MICAL3: variants seen among roughly 807,000 people sequenced by gnomAD.
MICAL3 encodes microtubule associated monooxygenase, calponin and LIM domain containing 3.
In MICAL3, 62 loss-of-function variants were observed where a neutral mutation model predicts 207.4. The ratio of observed to expected loss-of-function variants is 0.30; its 90% CI spans 0.24 to 0.37. MICAL3 has a LOEUF of 0.37. MICAL3 is among the 10% of genes least tolerant of loss of function. The pLI is 1.00. For missense variants in MICAL3, 2,368 were observed against 2,635.6 expected, an observed-to-expected ratio of 0.90 and a Z score of 2.22; for synonymous variants, 1,077 against 1,069.3, an observed-to-expected ratio of 1.01 and a Z score of -0.14.
At chr22:17,879,358 G>A in intron 16 of MICAL3, 2 of 1,611,636 alleles carry the variant, frequency 1.2e-6, no homozygotes, top group South Asian at 1.1e-5. Context: ...TCTCATGGTG[G>A]GGGCTCTGCT....
At chr22:18,019,805 G>GGTTTTT (rs1569169676) in intron 1 of MICAL3, 1 of 128,242 alleles carries the variant, frequency 7.8e-6, no homozygotes, top group African/African-American at 3.7e-5. Flanking sequence ...GAATGCTGCT[G>GGTTTTT]ATTTTTTTTT....
intron 1 of MICAL3, among the ~76,000 whole-genome samples, chr22:17,990,519 C>T (rs566005063): frequency 2.6e-5 from 4 of 152,294 alleles, no homozygotes; most frequent in South Asian, 4.1e-4. Context: ...AGGACTGTTA[C>T]GCCCTTCATT....
chr22:17,854,822 G>C (rs138598006), intron 19 of MICAL3, among the ~76,000 whole-genome samples: 2 of 152,302 alleles, frequency 1.3e-5, no homozygotes, highest in Admixed American at 1.3e-4. Context: ...TGGGCTTCTC[G>C]CCTTTCACTC....
chr22:17,884,285 CG>C, intron 16 of MICAL3: 25 of 1,588,610 alleles, frequency 1.6e-5, no homozygotes, highest in East Asian at 4.7e-5. Context: ...CTGTTTCCAC[CG>C]GGGGGTGGGG....
At chr22:17,863,637 T>C (rs1926756922) in intron 19 of MICAL3, 1 of 985,470 alleles carries the variant, frequency 1.0e-6, no homozygotes, top group Non-Finnish European at 1.2e-6. Flanking sequence ...GCACGTGCAG[T>C]AGCAGAAGCT....
intron 27 of MICAL3, among the ~76,000 whole-genome samples, chr22:17,816,371 G>C (rs112787232): frequency 6.6e-6 from 1 of 152,202 alleles, no homozygotes; most frequent in Non-Finnish European, 1.5e-5. Flanking sequence ...TGCTCCCCGC[G>C]GGATCACCTA....
Position 17,796,967 on chromosome 22 carries a change from C to T in MICAL3, c.5651-5666G>A, listed in dbSNP as rs764530334. 1.3e-5 allele frequency among the ~76,000 whole-genome samples: 2 copies of T among 151,802 alleles called. No homozygotes were observed. Among genetic ancestry groups the T allele is most frequent in the Non-Finnish European group, 2.9e-5 (2 of 67,932 alleles). On this transcript the variant is annotated intron_variant, in intron 29 of 31. Coordinates refer to ENST00000441493, the MANE Select transcript of MICAL3 (RefSeq NM_015241.3). The surrounding 1 kb of genome is among the most constrained non-coding windows in gnomAD (Gnocchi z 4.4). ...GCAGGTCCCCTTCTCTGTACTTGTACTTCTATATTCCCACCTTCTCTCCAA... is the reference window on the plus strand; with the variant it reads ...GCAGGTCCCCTTCTCTGTACTTGTATTTCTATATTCCCACCTTCTCTCCAA...
At chr22:17,924,101 C>T (rs941511015) in intron 1 of MICAL3, among the ~76,000 whole-genome samples, 3 of 152,184 alleles carry the variant, frequency 2.0e-5, no homozygotes, top group African/African-American at 7.2e-5. Flanking sequence ...TAACCGCCTC[C>T]ATGATTCAAT....
chr22:17,985,557 C>T (rs1350753574), intron 1 of MICAL3, among the ~76,000 whole-genome samples: 4 of 152,036 alleles, frequency 2.6e-5, no homozygotes, highest in South Asian at 2.1e-4. Context: ...CTGCCTGGGG[C>T]GGGGAAGCAG....
At chr22:17,862,707 C>T in intron 19 of MICAL3, 1 of 985,376 alleles carries the variant, frequency 1.0e-6, no homozygotes, top group Non-Finnish European at 1.2e-6. Flanking sequence ...TAATCCTGTT[C>T]CTTTTCTACC....
At chr22:17,799,928 C>T (rs561066360) in intron 29 of MICAL3, among the ~76,000 whole-genome samples, 45 of 149,312 alleles carry the variant, frequency 3.0e-4, no homozygotes, top group Non-Finnish European at 4.9e-4. Context: ...CACACACGCG[C>T]GCTGGGAAAC....
Position 17,983,801 on chromosome 22 carries a change from A to C in MICAL3, c.-75+40480T>G, listed in dbSNP as rs138613183. On this transcript the variant is annotated intron_variant, in intron 1 of 31. Transcript: ENST00000441493. ...CACACCATGCCACTTCCTATGGAAGAACCCTATGCTAAAGGTGCCCTATCA... is the reference window on the plus strand; with the variant it reads ...CACACCATGCCACTTCCTATGGAAGCACCCTATGCTAAAGGTGCCCTATCA... Among the ~76,000 whole-genome samples, 453 of 152,264 alleles carry C rather than the reference A, an allele frequency of 3.0e-3. 3 individuals are homozygous for C. Among genetic ancestry groups the C allele is most frequent in the African/African-American group, 0.01 (436 of 41,544 alleles).
At chr22:17,963,500 C>T (rs1359974264) in intron 1 of MICAL3, among the ~76,000 whole-genome samples, 1 of 152,060 alleles carries the variant, frequency 6.6e-6, no homozygotes, top group Non-Finnish European at 1.5e-5. Context: ...GCTGTGAACA[C>T]GTGATGGGCC....
rs1922786058 is a variant in MICAL3, at chr22:17,831,336, G to A, written c.3055+518C>T. Among the ~76,000 whole-genome samples, 3 of 152,236 alleles carry A rather than the reference G, an allele frequency of 2.0e-5. No homozygotes were observed. The South Asian group carries it at 6.2e-4, about 32-fold the overall frequency. On this transcript the variant is annotated intron_variant, in intron 21 of 31. Transcript: ENST00000441493. ...AAGTCCAAGGCAAGAGACTATTTCA[G>A]AACCAGCCAGAGTGGCTGGCCCCTG...
chr22:17,977,072 GGATTAC>G (rs1935692527), intron 1 of MICAL3, among the ~76,000 whole-genome samples: 1 of 152,086 alleles, frequency 6.6e-6, no homozygotes, highest in African/African-American at 2.4e-5. Flanking sequence ...CAAAGTGCTG[GGATTAC>G]GGCGTGAGCC....
chr22:17,805,859 G>C (rs1351127791), intron 29 of MICAL3, among the ~76,000 whole-genome samples: 1 of 152,214 alleles, frequency 6.6e-6, no homozygotes, highest in Non-Finnish European at 1.5e-5. Context: ...CTCCCGAGTA[G>C]CTGGGATTAC....
Position 17,791,324 on chromosome 22 carries a change from G to A in MICAL3, c.5651-23C>T, listed in dbSNP as rs186760657. ...TGCCTGCCGAGAGAACGCTTGTGTC[G>A]GGTGCAGGGAGTGCCGCGCCCACCC... On this transcript the variant is annotated intron_variant, in intron 29 of 31. Transcript: ENST00000441493. The A allele has an allele frequency of 1.6e-5, 25 of 1,600,170 alleles. 1 individual carries two copies. In the East Asian group the frequency reaches 2.2e-4, roughly 14 times the overall value.
chr22:17,980,658 A>C (rs528835494), intron 1 of MICAL3, among the ~76,000 whole-genome samples: 72 of 152,394 alleles, frequency 4.7e-4, no homozygotes, highest in African/African-American at 1.6e-3. Context: ...CAGAATCCTC[A>C]GGCTGTCAAC....
chr22:17,827,559 C>T, intron 22 of MICAL3, 85 bp downstream of exon 22: 1 of 1,445,946 alleles, frequency 6.9e-7, no homozygotes, highest in South Asian at 1.4e-5. Flanking sequence ...TGGCTCTGCC[C>T]TGACAGAAAG....
Sources: gnomAD v4.1 joint callset for allele counts (sites outside exome capture counted in the v4.1 genomes callset) on GRCh38, gnomAD v4.1.1 for gene constraint, Gnocchi (gnomAD v3.1) non-coding constraint, MANE v1.5 for transcripts, NCBI Gene and HGNC (gene_info 2026-07-23, HGNC 2026-07-21) for gene names.